Variants in PLCB1 observed in about 807,000 individuals in gnomAD.
PLCB1 encodes phospholipase C beta 1.
Under a neutral mutation model 161.8 loss-of-function variants are expected in PLCB1, and 46 were observed. The ratio of observed to expected loss-of-function variants is 0.28; its 90% confidence interval spans 0.22 to 0.36. PLCB1 has a LOEUF of 0.36. PLCB1 is among the 10% of genes least tolerant of loss of function. The probability of loss-of-function intolerance (pLI) is 1.00; values close to 1 mark genes in which losing one functional copy is unlikely to be tolerated. For missense variants in PLCB1, 1,016 were observed against 1,472.5 expected (o/e 0.69, Z 5.07); for synonymous variants, 517 against 503.7 (o/e 1.03, Z -0.35).
chr20:8,755,731 T>C (rs1211560420), intron 23 of PLCB1, among the ~76,000 whole-genome samples: 1 of 152,204 alleles, frequency 6.6e-6, no homozygotes, highest in African/African-American at 2.4e-5. Context: ...AACAAACAGA[T>C]GCTCTCTAAA....
chr20:8,273,484 A>T (rs980902283), intron 2 of PLCB1, among the ~76,000 whole-genome samples: 2 of 152,150 alleles, frequency 1.3e-5, no homozygotes, highest in Non-Finnish European at 2.9e-5. Context: ...CTAAGCTTTT[A>T]TGGTGCAAAA....
At chr20:8,323,864 A>C (rs866578572) in intron 2 of PLCB1, among the ~76,000 whole-genome samples, 2 of 151,408 alleles carry the variant, frequency 1.3e-5, no homozygotes, top group South Asian at 2.1e-4. Flanking sequence ...CATTGCCAAA[A>C]AAAAAAAAAA....
At chr20:8,322,201 T>G (rs143501781) in intron 2 of PLCB1, among the ~76,000 whole-genome samples, 2 of 152,264 alleles carry the variant, frequency 1.3e-5, no homozygotes, top group Non-Finnish European at 2.9e-5. Flanking sequence ...CATTGCTTCC[T>G]GGGGTTCCTT....
At chr20:8,461,496 A>G (rs1206674711) in intron 3 of PLCB1, among the ~76,000 whole-genome samples, 2 of 152,186 alleles carry the variant, frequency 1.3e-5, no homozygotes, top group Non-Finnish European at 2.9e-5. Context: ...TGTGTTATGC[A>G]CATAAAATTC....
chr20:8,259,323 T>A (rs6140567), intron 2 of PLCB1, among the ~76,000 whole-genome samples: 11,426 of 152,164 alleles, frequency 0.075, 508 homozygotes, highest in East Asian at 0.16. Flanking sequence ...GGTGTTACTC[T>A]AAGTCTCTGC....
At chr20:8,457,714 G>GCGCGCACACACA (rs1555808428) in intron 3 of PLCB1, among the ~76,000 whole-genome samples, 20 of 145,862 alleles carry the variant, frequency 1.4e-4, no homozygotes, top group East Asian at 1.3e-3. Context: ...ATGTGTGCGC[G>GCGCGCACACACA]CACACACACA....
chr20:8,216,671 A>G (rs1400522600), intron 2 of PLCB1, among the ~76,000 whole-genome samples: 2 of 152,134 alleles, frequency 1.3e-5, no homozygotes, highest in South Asian at 2.1e-4. Flanking sequence ...CAAAAAGGTC[A>G]GAGAAAAGGC....
At chr20:8,231,197 G>A in intron 2 of PLCB1, among the ~76,000 whole-genome samples, 1 of 152,088 alleles carries the variant, frequency 6.6e-6, no homozygotes, top group Non-Finnish European at 1.5e-5. Context: ...TGCTTTTGCT[G>A]TTGATTTATT....
chr20:8,677,858 T>C (rs1990124640), intron 9 of PLCB1, among the ~76,000 whole-genome samples: 1 of 152,184 alleles, frequency 6.6e-6, no homozygotes, highest in South Asian at 2.1e-4. Context: ...CATGAATGCT[T>C]TCTCTGGAAG....
At chr20:8,876,622 G>A (rs3848835) in intron 31 of PLCB1, among the ~76,000 whole-genome samples, 50,462 of 152,078 alleles carry the variant, frequency 0.33, 8,485 homozygotes, top group South Asian at 0.51. Context: ...TTGCTAAGTT[G>A]ATGAGTCTAT....
Position 8,700,104 on chromosome 20 carries a change from C to T in PLCB1, c.1167+2321C>T, listed in dbSNP as rs976147654. ...GGAGACAGGTTACCCCCATGTGGAA[C>T]CAGTGCAGCTTGGGCTCATCTGTCT... On this transcript the variant is annotated intron_variant, in intron 11 of 31. Coordinates refer to ENST00000338037, the MANE Select transcript of PLCB1 (RefSeq NM_015192.4). Among the ~76,000 whole-genome samples, 3 of 152,150 alleles carry T rather than the reference C, an allele frequency of 2.0e-5. 1 individual carries two copies. Among genetic ancestry groups the T allele is most frequent in the Admixed American group, 2.0e-4 (3 of 15,280 alleles).
At chr20:8,310,161 G>T (rs6516368) in intron 2 of PLCB1, among the ~76,000 whole-genome samples, 1 of 151,424 alleles carries the variant, frequency 6.6e-6, no homozygotes, top group Non-Finnish European at 1.5e-5. Context: ...TGTTACGGTG[G>T]GTCTCTCTAG....
chr20:8,221,846 C>T (rs538800959), intron 2 of PLCB1, among the ~76,000 whole-genome samples: 1 of 152,186 alleles, frequency 6.6e-6, no homozygotes, highest in South Asian at 2.1e-4. Context: ...GTACATTTAC[C>T]TATACTCCTC....
At chr20:8,721,467 A>G (rs1979629163) in intron 14 of PLCB1, among the ~76,000 whole-genome samples, 1 of 152,244 alleles carries the variant, frequency 6.6e-6, no homozygotes, top group Admixed American at 6.5e-5. Flanking sequence ...TAGCTATGGA[A>G]GAATGTAATG....
chr20:8,557,012 AAAAT>A (rs569223433), intron 3 of PLCB1, among the ~76,000 whole-genome samples: 7 of 126,278 alleles, frequency 5.5e-5, no homozygotes, highest in Admixed American at 2.2e-4. Context: ...ATAAATAAAT[AAAAT>A]AAATAAAAAA....
At chr20:8,335,015 A>G (rs1480322964) in intron 2 of PLCB1, among the ~76,000 whole-genome samples, 2 of 152,222 alleles carry the variant, frequency 1.3e-5, no homozygotes, top group Non-Finnish European at 2.9e-5. Flanking sequence ...GATTAATGCA[A>G]TGCTAAGTCT....
chr20:8,213,749 T>C (rs1166424561), intron 2 of PLCB1, among the ~76,000 whole-genome samples: 4 of 151,760 alleles, frequency 2.6e-5, no homozygotes, highest in Admixed American at 6.6e-5. Context: ...TTATCACAAA[T>C]TGTCATGAAA....
chr20:8,506,844 T>A (rs972974606), intron 3 of PLCB1, among the ~76,000 whole-genome samples: 3 of 152,298 alleles, frequency 2.0e-5, no homozygotes, highest in African/African-American at 7.2e-5. Context: ...TTGTACTTTT[T>A]AAAATAGTTT....
At chr20:8,639,040 G>A (rs372640387) in intron 4 of PLCB1, among the ~76,000 whole-genome samples, 1 of 152,118 alleles carries the variant, frequency 6.6e-6, no homozygotes, top group African/African-American at 2.4e-5. Context: ...TGCCTGGGGT[G>A]GGCATTGTGG....
Sources: gnomAD v4.1 joint callset for allele counts (sites outside exome capture counted in the v4.1 genomes callset) on GRCh38, gnomAD v4.1.1 for gene constraint, MANE v1.5 for transcripts, NCBI Gene and HGNC (gene_info 2026-07-23, HGNC 2026-07-21) for gene names.